The following MBTPS1 variants were observed in gnomAD, a reference collection of about 807,000 sequenced individuals.
MBTPS1 encodes membrane bound transcription factor peptidase, site 1, also known as membrane-bound transcription factor site-1 protease.
MBTPS1 carries 94 observed loss-of-function variants against 127.8 expected under a neutral mutation model. That is an observed-to-expected ratio of 0.74 (90% CI 0.62 to 0.87). MBTPS1 has a LOEUF of 0.87. Ranked by LOEUF, MBTPS1 falls within the 40% of genes least tolerant of loss-of-function variation. The pLI is 0.00. For missense variants in MBTPS1, 1,636 were observed against 1,353.2 expected, an observed-to-expected ratio of 1.21 and a Z score of -3.28; for synonymous variants, 632 against 509.4, an observed-to-expected ratio of 1.24 and a Z score of -3.24.
intron 10 of MBTPS1, among the ~76,000 whole-genome samples, chr16:84,082,478 A>T (rs1437008057): frequency 6.6e-6 from 1 of 152,194 alleles, no homozygotes; most frequent in Non-Finnish European, 1.5e-5. Context: ...GGCCACCTTC[A>T]GTTTCACCAT....
Position 84,090,872 on chromosome 16 carries a change from T to C in MBTPS1, c.1031+3A>G, listed in dbSNP as rs771653533. 2 of 1,609,354 alleles carry C rather than the reference T, an allele frequency of 1.2e-6. No individual in the cohort carries two copies. The highest frequency in any genetic ancestry group is 1.3e-5 in the African/African-American group (1 of 74,794). Reference sequence around the variant, plus strand: ...CGAGGTCATCCCTGCTGGGGCTACTTACCCATAAAGAGGTCCGTCATTGCC... The same window carrying C: ...CGAGGTCATCCCTGCTGGGGCTACTCACCCATAAAGAGGTCCGTCATTGCC... On this transcript the variant is annotated splice_donor_region_variant and intron_variant, in intron 8 of 22. Transcript: ENST00000343411.
chr16:84,056,667 G>A (rs1028716955), intron 21 of MBTPS1: 2 of 152,572 alleles, frequency 1.3e-5, no homozygotes, highest in African/African-American at 4.8e-5. Context: ...AAACATACAA[G>A]GAACCAACAG....
intron 1 of MBTPS1, among the ~76,000 whole-genome samples, chr16:84,108,172 G>A (rs2086350842): frequency 6.6e-6 from 1 of 152,010 alleles, no homozygotes; most frequent in African/African-American, 2.4e-5. Flanking sequence ...TTCCCAAGAT[G>A]GGCTCACCAC....
chr16:84,061,578 G>T (rs939247284), intron 19 of MBTPS1: 2 of 152,266 alleles, frequency 1.3e-5, no homozygotes, highest in African/African-American at 4.8e-5. Flanking sequence ...GAACTGTACT[G>T]ACACCCCAGG....
chr16:84,084,714 C>T (rs977791265), intron 10 of MBTPS1, among the ~76,000 whole-genome samples: 2 of 152,164 alleles, frequency 1.3e-5, no homozygotes, highest in African/African-American at 2.4e-5. Context: ...GAAAACAGAA[C>T]ACAAACATAA....
chr16:84,096,201 T>C (rs912436755), intron 3 of MBTPS1, among the ~76,000 whole-genome samples: 2 of 152,218 alleles, frequency 1.3e-5, no homozygotes, highest in African/African-American at 2.4e-5. Flanking sequence ...CATTGAGTTT[T>C]ATTTTTACTA....
chr16:84,087,241 T>C, intron 9 of MBTPS1, 117 bp downstream of exon 9: 1 of 743,856 alleles, frequency 1.3e-6, no homozygotes, highest in Non-Finnish European at 2.3e-6. Flanking sequence ...TATTCCCATG[T>C]GAATGTGAGG....
intron 1 of MBTPS1, among the ~76,000 whole-genome samples, chr16:84,106,388 A>G (rs2086323889): frequency 6.6e-6 from 1 of 152,204 alleles, no homozygotes; most frequent in Non-Finnish European, 1.5e-5. Context: ...AGCACTACCT[A>G]CAGCAGCTGC....
rs888178307 is a variant in MBTPS1 at position 84,065,274 on chromosome 16, T to G, written c.2431+416A>C. On this transcript the variant is annotated intron_variant, in intron 18 of 22. Transcript: ENST00000343411. Reference sequence around the variant, plus strand: ...CTGGGACTACAGGCGCGTGCCATCATGCCCGGCTAAATTTTTGTATTTTTA... The same window carrying G: ...CTGGGACTACAGGCGCGTGCCATCAGGCCCGGCTAAATTTTTGTATTTTTA... Among the ~76,000 whole-genome samples the G allele has an allele frequency of 5.3e-5, 8 of 152,248 alleles. No individual in the cohort carries two copies. In the East Asian group the frequency reaches 1.5e-3, roughly 29 times the overall value.
intron 9 of MBTPS1, chr16:84,086,146 G>A (rs930182419): frequency 2.0e-5 from 3 of 152,194 alleles, no homozygotes; most frequent in Non-Finnish European, 2.9e-5. Flanking sequence ...CTGGGATACC[G>A]AGTAAAGGCA....
At chr16:84,109,312 T>C (rs2086367532) in intron 1 of MBTPS1, 1 of 152,078 alleles carries the variant, frequency 6.6e-6, no homozygotes, top group South Asian at 2.1e-4. Context: ...CGATAAATAA[T>C]AACAGATCCC....
chr16:84,079,073 TCTCA>T (rs1322455491), intron 11 of MBTPS1, among the ~76,000 whole-genome samples: 1 of 152,160 alleles, frequency 6.6e-6, no homozygotes, highest in African/African-American at 2.4e-5. Flanking sequence ...GTAACTGAGT[TCTCA>T]CTCAGCTCAG....
chr16:84,076,518 T>C (rs572065931), intron 11 of MBTPS1, among the ~76,000 whole-genome samples: 1 of 152,344 alleles, frequency 6.6e-6, no homozygotes, highest in South Asian at 2.1e-4. Flanking sequence ...TATTTCCATA[T>C]GGTAGGTTAG....
In MBTPS1 at chr16:84,081,808, G is replaced by T. The variant is rs1018527015; in HGVS notation, c.1387C>A (p.His463Asn). 2 of 1,531,342 alleles carry T rather than the reference G, an allele frequency of 1.3e-6. No homozygotes were observed. The highest frequency in any genetic ancestry group is 8.8e-7 in the Non-Finnish European group (1 of 1,138,138). The allele number at this position is 1,531,342 out of a possible 1,614,324, so 94.9% of individuals were successfully genotyped here. A position where few individuals can be genotyped will look rare whatever the true frequency, so the allele number is the denominator to read the frequency against. The change falls in exon 11 of 23, where the codon CAC becomes AAC. Residue 463 changes from histidine to asparagine, a missense_variant. By Grantham distance (68) the His-to-Asn change is moderately conservative. Transcript: ENST00000343411. ...GCTCTGAGCAGATCGAGCTTGCCGT[G>T]GCCTTGCTCAAACATGTTGACCCCG... ...LPGVNMFEQG[H>N]GKLDLLRAYQ... is the part of the protein sequence containing the mutation.
intron 1 of MBTPS1, among the ~76,000 whole-genome samples, chr16:84,108,050 A>G (rs936086321): frequency 6.6e-6 from 1 of 151,838 alleles, no homozygotes; most frequent in African/African-American, 2.4e-5. Flanking sequence ...TAGACAAGTC[A>G]GTGAGGCTTT....
At chr16:84,088,938 G>C (rs1484245627) in intron 8 of MBTPS1, among the ~76,000 whole-genome samples, 1 of 152,188 alleles carries the variant, frequency 6.6e-6, no homozygotes, top group Non-Finnish European at 1.5e-5. Flanking sequence ...GGTGGAGATG[G>C]GGCCTTCCTG....
chr16:84,112,144 G>A (rs983303537), intron 1 of MBTPS1, among the ~76,000 whole-genome samples: 9 of 152,178 alleles, frequency 5.9e-5, no homozygotes, highest in African/African-American at 1.9e-4. Context: ...GGAGGTTGCA[G>A]TGGGCGGAGA....
intron 16 of MBTPS1, among the ~76,000 whole-genome samples, chr16:84,067,039 T>C (rs2085695176): frequency 6.6e-6 from 1 of 152,168 alleles, no homozygotes; most frequent in Admixed American, 6.5e-5. Context: ...ATTATTCCCT[T>C]TGAGTAAATT....
At position 84,091,713 on chromosome 16, in the gene MBTPS1, G is replaced by A. The variant is rs748621102; in HGVS notation, c.963+19C>T. On this transcript the variant is annotated intron_variant, in intron 7 of 22. Transcript: ENST00000343411. ...GCAGGAGCTGTCACCCAAACCCCGT[G>A]TGCAGTGACTCCACAAACCTTGTCA... 9 of 1,561,096 alleles carry A rather than the reference G, an allele frequency of 5.8e-6. 1 individual carries two copies. Among genetic ancestry groups the A allele is most frequent in the Middle Eastern group, 1.7e-4 (1 of 5,962 alleles).
Sources: allele counts gnomAD v4.1 joint callset (sites outside exome capture counted in the v4.1 genomes callset), GRCh38; gene constraint gnomAD v4.1.1; transcripts MANE v1.5; gene names NCBI Gene and HGNC (gene_info 2026-07-23, HGNC 2026-07-21).